Variants in TMPO observed in about 807,000 individuals in gnomAD.
The protein encoded by TMPO is LEM domain containing 4.
A neutral mutation model predicts 45.4 loss-of-function variants in TMPO; 22 were observed. The ratio of observed to expected loss-of-function variants is 0.48; its 90% CI spans 0.35 to 0.69. The LOEUF (loss-of-function observed/expected upper bound fraction) is 0.69, where lower values mean the gene tolerates loss of function less well. Among genes scored for constraint, TMPO ranks in the 30% least tolerant of loss-of-function variants. TMPO has a pLI of 0.01. For synonymous variants in TMPO, 241 were observed against 204.1 expected, an observed-to-expected ratio of 1.18 and a Z score of -1.54; for missense variants, 512 against 548.8, an observed-to-expected ratio of 0.93 and a Z score of 0.67.
At chr12:98,521,099 A>ATTTTTTTTTTTTT (rs1565804759) in intron 1 of TMPO, among the ~76,000 whole-genome samples, 45 of 93,044 alleles carry the variant, frequency 4.8e-4, no homozygotes, top group African/African-American at 1.3e-3. Context: ...GTTTATGAGG[A>ATTTTTTTTTTTTT]ATTTTTTTTT....
chr12:98,531,882 A>G (rs773104453), intron 3 of TMPO, 44 bp downstream of exon 3: 1 of 1,554,494 alleles, frequency 6.4e-7, no homozygotes, highest in Non-Finnish European at 8.8e-7. Flanking sequence ...GAATTTTTTC[A>G]CACTCAAAAT....
rs1436109381 is a variant in TMPO, at chr12:98,515,667, C to T, written c.-201C>T. The T allele has an allele frequency of 2.7e-6, 3 of 1,131,940 alleles. No individual in the cohort carries two copies. The highest frequency in any genetic ancestry group is 2.7e-5 in the Admixed American group (1 of 37,046). The allele number at this position is 1,131,940 out of a possible 1,614,324, so 70.1% of individuals were successfully genotyped here. A position where few individuals can be genotyped will look rare whatever the true frequency, so the allele number is the denominator to read the frequency against. Reference sequence around the variant, plus strand: ...GCTTCCAGCTTGGCCGCAGTTGGTTCGTAGTTCGGCTCTGGGGTCTTTTGT... The same window carrying T: ...GCTTCCAGCTTGGCCGCAGTTGGTTTGTAGTTCGGCTCTGGGGTCTTTTGT... On this transcript the variant is annotated 5_prime_UTR_variant, in exon 1 of 9. Coordinates refer to ENST00000556029, the MANE Select transcript of TMPO (RefSeq NM_001032283.3).
chr12:98,542,299 A>G (rs192282794), intron 4 of TMPO, among the ~76,000 whole-genome samples: 11 of 152,168 alleles, frequency 7.2e-5, no homozygotes, highest in Admixed American at 7.2e-4. Context: ...GTTTTTTAAT[A>G]AAGTTAGTAC....
At chr12:98,516,187 C>A (rs1315983542) in intron 1 of TMPO, 41 bp downstream of exon 1, 8 of 1,321,718 alleles carry the variant, frequency 6.1e-6, no homozygotes, top group Non-Finnish European at 2.9e-6. Context: ...GGGCGTTTGG[C>A]GGTTGCCGCG....
At chr12:98,534,584 CTAAGT>C in intron 3 of TMPO, 1 of 1,277,734 alleles carries the variant, frequency 7.8e-7, no homozygotes, top group Non-Finnish European at 9.9e-7. Context: ...ATATTAGTCT[CTAAGT>C]TGTTTTCTGT....
chr12:98,540,142 A>G (rs1459659203), intron 4 of TMPO, among the ~76,000 whole-genome samples: 1 of 152,240 alleles, frequency 6.6e-6, no homozygotes, highest in African/African-American at 2.4e-5. Context: ...AGGTCATTAC[A>G]GAATTTCCCA....
chr12:98,532,825 A>G, intron 3 of TMPO: 1 of 1,614,184 alleles, frequency 6.2e-7, no homozygotes, highest in Non-Finnish European at 8.5e-7. Flanking sequence ...CTCTACAGGA[A>G]AGAAGAAAGA....
Position 98,544,429 on chromosome 12 carries a change from T to A in TMPO, c.784-13T>A, listed in dbSNP as rs757363021. 6.2e-7 allele frequency: 1 copy of A among 1,613,468 alleles called. No homozygotes were observed. ...TTATATTTATTGTTTTTGTTTTGTT[T>A]TCAAACTAACAGGTGGAAACTTCAG... On this transcript the variant is annotated splice_polypyrimidine_tract_variant and intron_variant, in intron 5 of 8. Transcript: ENST00000556029.
At chr12:98,518,888 G>GTT (rs10711028) in intron 1 of TMPO, among the ~76,000 whole-genome samples, 2 of 146,844 alleles carry the variant, frequency 1.4e-5, no homozygotes, top group African/African-American at 2.5e-5. Context: ...AAAATGAAGG[G>GTT]TTTTTTTTTT....
At chr12:98,534,491 G>A (rs1877447269) in intron 3 of TMPO, 3 of 1,474,768 alleles carry the variant, frequency 2.0e-6, no homozygotes, top group Admixed American at 2.5e-5. Flanking sequence ...AAAAGTAATT[G>A]CCTGTGTAGA....
chr12:98,515,848 G>C lies in TMPO; in HGVS notation c.-20G>C, dbSNP rs748193043. 2 of 1,605,158 alleles carry C rather than the reference G, an allele frequency of 1.2e-6. No individual in the cohort carries two copies. Among genetic ancestry groups the C allele is most frequent in the East Asian group, 2.3e-5 (1 of 44,080 alleles). ...GGCGGCGGCAAAGGCTGTGGGGAGGGGGCTTCGCAGATCCCCGAGATGCCG... is the reference window on the plus strand; with the variant it reads ...GGCGGCGGCAAAGGCTGTGGGGAGGCGGCTTCGCAGATCCCCGAGATGCCG... On this transcript the variant is annotated 5_prime_UTR_variant, in exon 1 of 9. Coordinates refer to ENST00000556029, the MANE Select transcript of TMPO (RefSeq NM_001032283.3).
At chr12:98,520,810 G>T (rs1211063080) in intron 1 of TMPO, among the ~76,000 whole-genome samples, 1 of 151,914 alleles carries the variant, frequency 6.6e-6, no homozygotes, top group Non-Finnish European at 1.5e-5. Flanking sequence ...CTGATCTGGT[G>T]ATCTGCCCGC....
intron 7 of TMPO, among the ~76,000 whole-genome samples, chr12:98,545,544 A>C (rs1443959177): frequency 2.0e-5 from 3 of 152,222 alleles, no homozygotes; most frequent in African/African-American, 7.2e-5. Flanking sequence ...AAAGGAGCCG[A>C]AACATTTATT....
intron 1 of TMPO, among the ~76,000 whole-genome samples, chr12:98,525,500 G>A (rs11837732): frequency 0.12 from 18,058 of 152,102 alleles, 1,684 homozygotes; most frequent in African/African-American, 0.26. Flanking sequence ...TAGGACTTTG[G>A]GAGGCTCAGG....
At chr12:98,539,469 T>G (rs549011266) in intron 4 of TMPO, among the ~76,000 whole-genome samples, 1 of 133,936 alleles carries the variant, frequency 7.5e-6, no homozygotes, top group Admixed American at 7.5e-5. Flanking sequence ...CTTTTTAAAT[T>G]ACTTTTTTTT....
intron 4 of TMPO, among the ~76,000 whole-genome samples, chr12:98,542,751 A>C (rs1023615833): frequency 6.6e-6 from 1 of 152,122 alleles, no homozygotes; most frequent in African/African-American, 2.4e-5. Flanking sequence ...CCAGCTACTC[A>C]GGAGGGTGAG....
intron 3 of TMPO, chr12:98,533,040 G>T: frequency 6.2e-7 from 1 of 1,613,654 alleles, no homozygotes; most frequent in Non-Finnish European, 8.5e-7. Flanking sequence ...CCACAAACTT[G>T]CCTGGCAGGG....
chr12:98,542,663 C>CT (rs1263279055), intron 4 of TMPO, among the ~76,000 whole-genome samples: 5 of 152,072 alleles, frequency 3.3e-5, no homozygotes, highest in African/African-American at 1.2e-4. Context: ...GGAGACCAGC[C>CT]TGGCCAACAT....
At position 98,549,162 on chromosome 12, in the gene TMPO, C is replaced by T. The variant is rs1457979933; in HGVS notation, c.*1304C>T. 1 of 152,172 alleles carries T rather than the reference C, an allele frequency of 6.6e-6. No individual in the cohort carries two copies. Among genetic ancestry groups the T allele is most frequent in the African/African-American group, 2.4e-5 (1 of 41,442 alleles). The allele number at this position is 152,172 out of a possible 1,614,324, so 9.4% of individuals were successfully genotyped here. A position where few individuals can be genotyped will look rare whatever the true frequency, so the allele number is the denominator to read the frequency against. On this transcript the variant is annotated 3_prime_UTR_variant, in exon 9 of 9. Coordinates refer to ENST00000556029, the MANE Select transcript of TMPO (RefSeq NM_001032283.3). ...ACAAAAAGTACTTGCTTTTATATTA[C>T]ATCATAAGCAGTAGTTAATAAAGTT...
Sources: allele counts gnomAD v4.1 joint callset (sites outside exome capture counted in the v4.1 genomes callset), GRCh38; gene constraint gnomAD v4.1.1; transcripts MANE v1.5; gene names NCBI Gene and HGNC (gene_info 2026-07-23, HGNC 2026-07-21).